CLMN: variants seen among roughly 807,000 people sequenced by gnomAD.
CLMN encodes the protein calmin.
CLMN carries 57 observed loss-of-function variants against 92.7 expected under a neutral mutation model. The observed-to-expected ratio is 0.61, with a 90% CI of 0.50 to 0.77. The LOEUF (loss-of-function observed/expected upper bound fraction) is 0.77. CLMN is among the 30% of genes least tolerant of loss of function. The pLI is 0.00. For synonymous variants in CLMN, 466 were observed against 470.6 expected, an observed-to-expected ratio of 0.99 and a Z score of 0.13; for missense variants, 1,158 against 1,237.5, an observed-to-expected ratio of 0.94 and a Z score of 0.96.
At chr14:95,293,901 C>T (rs1900701492) in intron 1 of CLMN, among the ~76,000 whole-genome samples, 3 of 152,134 alleles carry the variant, frequency 2.0e-5, no homozygotes, top group Non-Finnish European at 4.4e-5. Flanking sequence ...AAGTAGAAAA[C>T]AAGGAAAAAC....
intron 1 of CLMN, among the ~76,000 whole-genome samples, chr14:95,241,933 C>T (rs865788208): frequency 2.6e-5 from 4 of 152,122 alleles, no homozygotes; most frequent in Non-Finnish European, 5.9e-5. Flanking sequence ...CCAGAGTACC[C>T]GAAGGGATTT....
rs763280777 is a variant in CLMN at position 95,189,591 on chromosome 14, T to C, written c.*1973A>G. 1 of 152,254 alleles carries C rather than the reference T, an allele frequency of 6.6e-6. No individual in the cohort carries two copies. Among genetic ancestry groups the C allele is most frequent in the Non-Finnish European group, 1.5e-5 (1 of 68,042 alleles). The allele number at this position is 152,254 out of a possible 1,614,324, so 9.4% of individuals were successfully genotyped here. Reference sequence around the variant, plus strand: ...GAGAAGTATCTTGCAGAGGTTTTTCTGAACAAGGTCTAGACCCATAAAATG... The same window carrying C: ...GAGAAGTATCTTGCAGAGGTTTTTCCGAACAAGGTCTAGACCCATAAAATG... On this transcript the variant is annotated 3_prime_UTR_variant, in exon 13 of 13. Transcript: ENST00000298912.
At chr14:95,254,281 A>C (rs894501929) in intron 1 of CLMN, among the ~76,000 whole-genome samples, 4 of 152,220 alleles carry the variant, frequency 2.6e-5, no homozygotes, top group Non-Finnish European at 4.4e-5. Context: ...CTCACTAGAC[A>C]GCGGGTGCAG....
At position 95,285,172 on chromosome 14, in the gene CLMN, G is replaced by A. The variant is rs373117552; in HGVS notation, c.82+34539C>T. Among the ~76,000 whole-genome samples the A allele has an allele frequency of 3.4e-4, 51 of 152,052 alleles. No individual in the cohort carries two copies. In the East Asian group the frequency reaches 7.3e-3, roughly 22 times the overall value. On this transcript the variant is annotated intron_variant, in intron 1 of 12. Transcript: ENST00000298912. ...CACCACCATATAAGAAGTGCCTTTC[G>A]CCTCTCACCATGATTCTGAGGCCTC...
Position 95,210,728 on chromosome 14 carries a change from C to T in CLMN, c.760G>A (p.Ala254Thr), listed in dbSNP as rs140458784. ...RENLEKAFSI[A>T]QDALHIPRLL... ...CTGGGGATGTGCAGGGCATCCTGTG[C>T]GATGCTGAAAGCCTTCTCTAGATTT... is the stretch of plus-strand genomic sequence containing the variant. The change falls in exon 7 of 13, where the codon GCA (alanine) becomes ACA (threonine). Residue 254 changes from alanine to threonine, a missense_variant. Ala to Thr is a moderately conservative substitution (Grantham distance 58, BLOSUM62 0). Coordinates refer to ENST00000298912, the MANE Select transcript of CLMN (RefSeq NM_024734.4). 3.1e-6 allele frequency: 5 copies of T among 1,609,688 alleles called. No homozygotes were observed. The highest frequency in any genetic ancestry group is 2.3e-5 in the East Asian group (1 of 44,238).
chr14:95,319,010 T>A (rs1007119187), intron 1 of CLMN, among the ~76,000 whole-genome samples: 1 of 152,096 alleles, frequency 6.6e-6, no homozygotes, highest in Non-Finnish European at 1.5e-5. Flanking sequence ...TTTCACCTCT[T>A]CTCAGCTACC....
chr14:95,231,937 A>C lies in CLMN; in HGVS notation c.83-1804T>G, dbSNP rs374251202. 6.6e-5 allele frequency among the ~76,000 whole-genome samples: 10 copies of C among 152,378 alleles called. No individual in the cohort carries two copies. The East Asian group carries it at 1.3e-3, about 21-fold the overall frequency. On this transcript the variant is annotated intron_variant, in intron 1 of 12. Transcript: ENST00000298912. The stretch of plus-strand genomic sequence containing the variant: ...ACTACCATCCTCTGTGGCAGGTGCT[A>C]TTATGACCTTCAGATGGGACAATCG...
In CLMN at chr14:95,189,985, G is replaced by A. The variant is rs1896523896; in HGVS notation, c.*1579C>T. 1.3e-5 allele frequency: 2 copies of A among 152,190 alleles called. No homozygotes were observed. The highest frequency in any genetic ancestry group is 2.9e-5 in the Non-Finnish European group (2 of 68,038). 9.4% of individuals were successfully genotyped at this position (152,190 alleles called of 1,614,324 possible). A position where few individuals can be genotyped will look rare whatever the true frequency, so the allele number is the denominator to read the frequency against. Reference sequence around the variant, plus strand: ...ACTTGAAACCCACTGCTTGAAATGAGCAAGTCCTTGGCTAGCAAAGAAAGA... The same window carrying A: ...ACTTGAAACCCACTGCTTGAAATGAACAAGTCCTTGGCTAGCAAAGAAAGA... On this transcript the variant is annotated 3_prime_UTR_variant, in exon 13 of 13. Coordinates refer to ENST00000298912, the MANE Select transcript of CLMN (RefSeq NM_024734.4).
intron 10 of CLMN, among the ~76,000 whole-genome samples, chr14:95,195,581 A>G (rs1896686644): frequency 1.3e-5 from 2 of 152,210 alleles, no homozygotes; most frequent in South Asian, 4.1e-4. Flanking sequence ...ACATCATCAC[A>G]GGCAACAAGG....
At chr14:95,271,154 GTTGT>G (rs1271826858) in intron 1 of CLMN, among the ~76,000 whole-genome samples, 13 of 152,146 alleles carry the variant, frequency 8.5e-5, no homozygotes. Context: ...TTTAAACTGG[GTTGT>G]TTATCTATTA....
intron 1 of CLMN, among the ~76,000 whole-genome samples, chr14:95,266,394 T>C (rs1472535808): frequency 6.6e-6 from 1 of 152,180 alleles, no homozygotes; most frequent in Non-Finnish European, 1.5e-5. Flanking sequence ...TCAGTAGCAT[T>C]TATATGACGA....
At chr14:95,298,739 G>A (rs1025941486) in intron 1 of CLMN, among the ~76,000 whole-genome samples, 5 of 152,198 alleles carry the variant, frequency 3.3e-5, no homozygotes, top group South Asian at 4.1e-4. Context: ...AGAAGTGACC[G>A]TGAAATGGAG....
intron 1 of CLMN, among the ~76,000 whole-genome samples, chr14:95,250,593 C>T (rs8020549): frequency 0.15 from 22,931 of 152,220 alleles, 2,949 homozygotes; most frequent in African/African-American, 0.34. Flanking sequence ...AACTTCTTCA[C>T]AAAAAGCCAT....
In CLMN at chr14:95,215,570, C is replaced by T. The variant is rs984307085; in HGVS notation, c.417+71G>A. 2.3e-6 allele frequency: 3 copies of T among 1,316,678 alleles called. No individual in the cohort carries two copies. In the African/African-American group the frequency reaches 4.4e-5, roughly 19 times the overall value. The allele number at this position is 1,316,678 out of a possible 1,614,324, so 81.6% of individuals were successfully genotyped here. On this transcript the variant is annotated intron_variant, in intron 5 of 12. Coordinates refer to ENST00000298912, the MANE Select transcript of CLMN (RefSeq NM_024734.4). ...CCTCACTGCCTCCCTTAATCTGGCC[C>T]CACTCTCTTCTGTGGCTGCTCAGCA...
intron 1 of CLMN, among the ~76,000 whole-genome samples, chr14:95,317,399 C>A (rs563950996): frequency 6.6e-6 from 1 of 152,296 alleles, no homozygotes; most frequent in South Asian, 2.1e-4. Flanking sequence ...CACGGTAACT[C>A]TACAGTGCTA....
chr14:95,305,450 C>G (rs1028641259), intron 1 of CLMN, among the ~76,000 whole-genome samples: 12 of 152,018 alleles, frequency 7.9e-5, no homozygotes, highest in Non-Finnish European at 1.6e-4. Flanking sequence ...AGAGTTCTCG[C>G]AAATTAAAAA....
chr14:95,195,973 C>A (rs187037873), intron 10 of CLMN, among the ~76,000 whole-genome samples: 185 of 152,276 alleles, frequency 1.2e-3, no homozygotes, highest in Non-Finnish European at 2.2e-3. Flanking sequence ...CTCCTTCTCC[C>A]AAGCTAAATC....
At chr14:95,301,705 G>A (rs1263482263) in intron 1 of CLMN, among the ~76,000 whole-genome samples, 1 of 152,084 alleles carries the variant, frequency 6.6e-6, no homozygotes, top group Non-Finnish European at 1.5e-5. Context: ...AACCTACTAG[G>A]TCACCTGGAG....
At chr14:95,220,650 A>C (rs1023959555) in intron 4 of CLMN, among the ~76,000 whole-genome samples, 1 of 152,030 alleles carries the variant, frequency 6.6e-6, no homozygotes, top group East Asian at 1.9e-4. Context: ...GGAGGGGACT[A>C]TTGGGAAGCA....
Sources: gnomAD v4.1 joint callset for allele counts (sites outside exome capture counted in the v4.1 genomes callset) on GRCh38, gnomAD v4.1.1 for gene constraint, MANE v1.5 for transcripts, NCBI Gene and HGNC (gene_info 2026-07-23, HGNC 2026-07-21) for gene names.